LRP1B: variants seen among roughly 807,000 people sequenced by gnomAD.
LRP1B encodes the protein LDL receptor related protein 1B.
LRP1B carries 217 observed loss-of-function variants against 556.6 expected under a neutral mutation model. The ratio of observed to expected loss-of-function variants is 0.39; its 90% CI spans 0.35 to 0.44. The LOEUF is 0.44. Ranked by LOEUF, LRP1B falls within the 20% of genes least tolerant of loss-of-function variation. The pLI is 1.00. For synonymous variants in LRP1B, 2,047 were observed against 1,865.8 expected (o/e 1.10, Z -2.50); for missense variants, 5,053 against 5,620.8 (o/e 0.90, Z 3.23).
chr2:140,471,252 C>T (rs868753905), intron 60 of LRP1B, among the ~76,000 whole-genome samples: 18 of 151,698 alleles, frequency 1.2e-4, no homozygotes, highest in Middle Eastern at 3.4e-3. Context: ...GTTAAATTAT[C>T]AGGTTTTCTG....
chr2:142,013,144 C>G (rs1345064174), intron 1 of LRP1B, among the ~76,000 whole-genome samples: 1 of 152,006 alleles, frequency 6.6e-6, no homozygotes, highest in African/African-American at 2.4e-5. Flanking sequence ...ATAACTTATT[C>G]AGTTCATTTA....
Position 141,453,551 on chromosome 2 carries a change from C to T in LRP1B, c.343+26845G>A, listed in dbSNP as rs114701871. Among the ~76,000 whole-genome samples the T allele has an allele frequency of 7.4e-3, 1,133 of 152,288 alleles. 12 individuals carry two copies. Among genetic ancestry groups the T allele is most frequent in the African/African-American group, 0.024 (1,003 of 41,550 alleles). ...TTACTAGGTTCTGTGTCAGGTGTTACATCTCATATTTGACAATGTTATACC... is the reference window on the plus strand; with the variant it reads ...TTACTAGGTTCTGTGTCAGGTGTTATATCTCATATTTGACAATGTTATACC... On this transcript the variant is annotated intron_variant, in intron 3 of 90. Transcript: ENST00000389484.
intron 3 of LRP1B, among the ~76,000 whole-genome samples, chr2:141,462,933 G>C: frequency 6.7e-6 from 1 of 149,578 alleles, no homozygotes; most frequent in East Asian, 2.0e-4. Flanking sequence ...TATGATATCA[G>C]TATATTTTGT....
chr2:141,147,684 T>C (rs1444152706), intron 7 of LRP1B, among the ~76,000 whole-genome samples: 1 of 152,178 alleles, frequency 6.6e-6, no homozygotes, highest in Admixed American at 6.5e-5. Flanking sequence ...TTGAGGCACA[T>C]TTTTATAGCC....
intron 2 of LRP1B, among the ~76,000 whole-genome samples, chr2:141,568,127 T>C (rs1413317320): frequency 2.6e-5 from 4 of 151,080 alleles, no homozygotes; most frequent in Non-Finnish European, 5.9e-5. Flanking sequence ...CTATTATATG[T>C]AGAAACAAAA....
At chr2:140,983,479 A>G (rs1026006624) in intron 17 of LRP1B, among the ~76,000 whole-genome samples, 1 of 152,144 alleles carries the variant, frequency 6.6e-6, no homozygotes, top group African/African-American at 2.4e-5. Context: ...TTGATATAAG[A>G]AAGAGTGGAG....
intron 7 of LRP1B, among the ~76,000 whole-genome samples, chr2:141,085,567 G>A (rs1700030940): frequency 6.6e-6 from 1 of 152,068 alleles, no homozygotes; most frequent in Non-Finnish European, 1.5e-5. Context: ...AAAGAGAGAG[G>A]CCTCAAGAAA....
chr2:140,528,746 T>C (rs957489439), intron 47 of LRP1B, among the ~76,000 whole-genome samples: 17 of 151,876 alleles, frequency 1.1e-4, no homozygotes, highest in Admixed American at 9.9e-4. Context: ...ATTGCCTTCA[T>C]TAACAGGCAA....
chr2:141,639,982 G>T (rs1213360063), intron 2 of LRP1B, among the ~76,000 whole-genome samples: 2 of 152,204 alleles, frequency 1.3e-5, no homozygotes, highest in Non-Finnish European at 2.9e-5. Context: ...TGGAACTCAT[G>T]TTAAAGTATT....
intron 7 of LRP1B, among the ~76,000 whole-genome samples, chr2:141,179,568 C>G (rs1558914815): frequency 6.6e-6 from 1 of 152,010 alleles, no homozygotes; most frequent in African/African-American, 2.4e-5. Context: ...TACCTCTGCA[C>G]AATTTTTACC....
intron 2 of LRP1B, among the ~76,000 whole-genome samples, chr2:141,696,088 C>T (rs191619270): frequency 7.9e-5 from 12 of 152,040 alleles, no homozygotes; most frequent in Admixed American, 4.6e-4. Flanking sequence ...GATAACTCAA[C>T]TCATGGTTTA....
intron 2 of LRP1B, among the ~76,000 whole-genome samples, chr2:141,779,006 G>C (rs1469676715): frequency 6.6e-6 from 1 of 152,106 alleles, no homozygotes; most frequent in East Asian, 1.9e-4. Flanking sequence ...CAGGTTCTCA[G>C]GGCTGTGGTC....
At chr2:140,417,360 C>T (rs539193499) in intron 66 of LRP1B, among the ~76,000 whole-genome samples, 3 of 152,286 alleles carry the variant, frequency 2.0e-5, no homozygotes, top group South Asian at 4.1e-4. Context: ...ATGTTTTCCT[C>T]TTTTGACTAA....
chr2:140,958,806 G>A (rs1695948963), intron 18 of LRP1B, among the ~76,000 whole-genome samples: 1 of 151,432 alleles, frequency 6.6e-6, no homozygotes, highest in Non-Finnish European at 1.5e-5. Context: ...CCTGGAGTGA[G>A]AAATTTACCC....
intron 14 of LRP1B, among the ~76,000 whole-genome samples, chr2:141,011,529 T>C (rs1558799190): frequency 1.3e-5 from 2 of 152,084 alleles, no homozygotes; most frequent in African/African-American, 4.8e-5. Context: ...ATCAAACATA[T>C]AGTTAAGTAC....
intron 43 of LRP1B, among the ~76,000 whole-genome samples, chr2:140,550,862 G>A (rs1325720601): frequency 6.6e-6 from 1 of 152,100 alleles, no homozygotes; most frequent in Non-Finnish European, 1.5e-5. Context: ...AGGTGTTGAA[G>A]CCCCAGTATG....
intron 21 of LRP1B, among the ~76,000 whole-genome samples, chr2:140,911,020 A>C (rs559555472): frequency 2.0e-5 from 3 of 151,948 alleles, no homozygotes; most frequent in African/African-American, 7.2e-5. Flanking sequence ...TAACAATTTA[A>C]ATAATTACTG....
At chr2:141,777,388 C>T (rs1695112062) in intron 2 of LRP1B, among the ~76,000 whole-genome samples, 1 of 152,058 alleles carries the variant, frequency 6.6e-6, no homozygotes, top group African/African-American at 2.4e-5. Flanking sequence ...GGTGAATCTG[C>T]AAATGACTTT....
At chr2:141,273,018 C>T (rs1685146490) in intron 3 of LRP1B, among the ~76,000 whole-genome samples, 1 of 152,092 alleles carries the variant, frequency 6.6e-6, no homozygotes, top group African/African-American at 2.4e-5. Flanking sequence ...ATACCTATTG[C>T]AACACTTATG....
Sources: allele counts gnomAD v4.1 joint callset (sites outside exome capture counted in the v4.1 genomes callset), GRCh38; gene constraint gnomAD v4.1.1; transcripts MANE v1.5; gene names NCBI Gene and HGNC (gene_info 2026-07-23, HGNC 2026-07-21).